The following PRKCZ variants were observed in gnomAD, a reference collection of about 807,000 sequenced individuals.
PRKCZ encodes the protein protein kinase C zeta.
In PRKCZ, 33 loss-of-function variants were observed where a neutral mutation model predicts 79.5. That is an observed-to-expected ratio of 0.41 (90% CI 0.31 to 0.55). The LOEUF (loss-of-function observed/expected upper bound fraction) is 0.55. Among genes scored for constraint, PRKCZ ranks in the 20% least tolerant of loss-of-function variants. The pLI, the probability that PRKCZ is intolerant of heterozygous loss-of-function variation, is 0.19. For missense variants in PRKCZ, 578 were observed against 813.5 expected (o/e 0.71, Z 3.52); for synonymous variants, 342 against 320.9 (o/e 1.07, Z -0.70).
intron 4 of PRKCZ, among the ~76,000 whole-genome samples, chr1:2,126,081 C>G (rs562883030): frequency 6.6e-6 from 1 of 152,196 alleles, no homozygotes; most frequent in African/African-American, 2.4e-5. Flanking sequence ...CCTGGGGGTC[C>G]TGCGGGGGCT....
chr1:2,117,664 T>G (rs1671013219), intron 4 of PRKCZ, among the ~76,000 whole-genome samples: 1 of 152,222 alleles, frequency 6.6e-6, no homozygotes, highest in Non-Finnish European at 1.5e-5. Context: ...GGGTGCTGTT[T>G]GCGGAAATAC....
rs1338409189 is a variant in PRKCZ, at chr1:2,149,409, G to A, written c.687+485G>A. 2.6e-5 allele frequency among the ~76,000 whole-genome samples: 4 copies of A among 152,238 alleles called. No homozygotes were observed. The highest frequency in any genetic ancestry group is 2.6e-4 in the Admixed American group (4 of 15,290). ...CACCATAAACCCTGAGAAGGGAACA[G>A]AAGAGCTTGCTGCGTTCTCAGCCTC... On this transcript the variant is annotated intron_variant, in intron 8 of 17. Coordinates refer to ENST00000378567, the MANE Select transcript of PRKCZ (RefSeq NM_002744.6). This position sits in a 1 kb window ranked among gnomAD's most constrained non-coding sequence, Gnocchi z 4.1.
At chr1:2,112,873 G>T (rs1313016850) in intron 4 of PRKCZ, among the ~76,000 whole-genome samples, 2 of 152,134 alleles carry the variant, frequency 1.3e-5, no homozygotes, top group African/African-American at 2.4e-5. Flanking sequence ...TCTATATTTG[G>T]TAGAGGCGGG....
chr1:2,158,994 C>T (rs900496774), intron 10 of PRKCZ, among the ~76,000 whole-genome samples: 2 of 151,894 alleles, frequency 1.3e-5, no homozygotes, highest in African/African-American at 2.4e-5. Flanking sequence ...GGCACGATCT[C>T]GGCTCACTGC....
Position 2,165,402 on chromosome 1 carries a change from G to A in PRKCZ, c.975-4116G>A, listed in dbSNP as rs746935729. Among the ~76,000 whole-genome samples the A allele has an allele frequency of 6.6e-6, 1 of 152,154 alleles. No individual in the cohort carries two copies. The highest frequency in any genetic ancestry group is 1.5e-5 in the Non-Finnish European group (1 of 68,034). On this transcript the variant is annotated intron_variant, in intron 10 of 17. Transcript: ENST00000378567. This position sits in a 1 kb window ranked among gnomAD's most constrained non-coding sequence, Gnocchi z 4.1. ...TGACAAGCCAGGAGCTGTGTGAGCC[G>A]GAGAACGTCCCCTAACCTGTCTGTG...
At chr1:2,057,692 C>A (rs1309757984) in intron 3 of PRKCZ, among the ~76,000 whole-genome samples, 3 of 151,862 alleles carry the variant, frequency 2.0e-5, no homozygotes, top group African/African-American at 7.3e-5. Flanking sequence ...ATAGTGAGAC[C>A]CCCCCCTCTC....
chr1:2,052,269 C>G (rs373534260), intron 1 of PRKCZ, among the ~76,000 whole-genome samples: 2 of 152,264 alleles, frequency 1.3e-5, no homozygotes, highest in South Asian at 2.1e-4. Flanking sequence ...TGGGCCGCCC[C>G]GTCCTCCCTC....
rs193158910 is a variant in PRKCZ at position 2,165,579 on chromosome 1, A to G, written c.975-3939A>G. On this transcript the variant is annotated intron_variant, in intron 10 of 17. Transcript: ENST00000378567. This position sits in a 1 kb window ranked among gnomAD's most constrained non-coding sequence, Gnocchi z 4.1. Reference sequence around the variant, plus strand: ...GTTGTCTTAAAGGGTCAGGCAGTAAATATTTCCACCTTTGTGGGCCATGCG... The same window carrying G: ...GTTGTCTTAAAGGGTCAGGCAGTAAGTATTTCCACCTTTGTGGGCCATGCG... Among the ~76,000 whole-genome samples the G allele has an allele frequency of 2.4e-3, 363 of 152,350 alleles. 5 individuals carry two copies. Among genetic ancestry groups the G allele is most frequent in the African/African-American group, 8.2e-3 (342 of 41,582 alleles).
At chr1:2,134,644 C>T (rs1474401139) in intron 4 of PRKCZ, among the ~76,000 whole-genome samples, 6 of 152,134 alleles carry the variant, frequency 3.9e-5, no homozygotes, top group Admixed American at 1.3e-4. Context: ...GGTGCACGGT[C>T]GGTTTGGCTC....
intron 7 of PRKCZ, among the ~76,000 whole-genome samples, chr1:2,148,344 A>AT (rs1557679624): frequency 2.8e-5 from 4 of 144,854 alleles, no homozygotes; most frequent in Non-Finnish European, 6.0e-5. Context: ...CTGTCCATCC[A>AT]CTGTCCACTG....
Position 2,135,267 on chromosome 1 carries a change from A to G in PRKCZ, c.340A>G (p.Ile114Val), listed in dbSNP as rs144794308. ...CTTTCTCATATCCTTTCCAGAATCT[A>G]TCTACCGCCGGGGAGCCAGAAGATG... ...GLPCPGEDKSIYRRGARRWRK... is the reference protein window; with the variant it reads ...GLPCPGEDKSVYRRGARRWRK... Residue 114 changes from isoleucine to valine, a missense_variant, in exon 5 of 18, where the codon ATC becomes GTC. Physicochemically the swap from Ile to Val is conservative, Grantham distance 29. Coordinates refer to ENST00000378567, the MANE Select transcript of PRKCZ (RefSeq NM_002744.6). The G allele has an allele frequency of 1.1e-5, 17 of 1,612,108 alleles. No individual in the cohort carries two copies. Among genetic ancestry groups the G allele is most frequent in the East Asian group, 2.2e-5 (1 of 44,854 alleles).
At chr1:2,176,037 G>A (rs959165462) in intron 16 of PRKCZ, among the ~76,000 whole-genome samples, 2 of 152,150 alleles carry the variant, frequency 1.3e-5, no homozygotes, top group African/African-American at 4.8e-5. Flanking sequence ...CTTTAGCGTC[G>A]GGTATTGAAG....
In PRKCZ at chr1:2,086,781, G is replaced by A. The variant is rs1664606298; in HGVS notation, c.334+27190G>A. 2.0e-5 allele frequency among the ~76,000 whole-genome samples: 3 copies of A among 152,218 alleles called. No individual in the cohort carries two copies. The South Asian group carries it at 6.2e-4, about 32-fold the overall frequency. On this transcript the variant is annotated intron_variant, in intron 4 of 17. Coordinates refer to ENST00000378567, the MANE Select transcript of PRKCZ (RefSeq NM_002744.6). ...CTTCTCTTCTCCACTTCTGAGTGGG[G>A]TCTCCATCTGCACAGCGTGAGCCTG...
intron 11 of PRKCZ, among the ~76,000 whole-genome samples, chr1:2,170,783 C>T (rs555308291): frequency 5.0e-4 from 76 of 152,324 alleles, no homozygotes; most frequent in African/African-American, 1.7e-3. Flanking sequence ...CTGAGCATAG[C>T]GTCCTCAAGA....
chr1:2,166,675 GC>G (rs138176355), intron 10 of PRKCZ, among the ~76,000 whole-genome samples: 5,064 of 150,228 alleles, frequency 0.034, 107 homozygotes, highest in Non-Finnish European at 0.051. Context: ...GGCAGCCTCA[GC>G]CCCCCCCAGG....
chr1:2,104,975 G>C, intron 4 of PRKCZ: 1 of 962,834 alleles, frequency 1.0e-6, no homozygotes, highest in Non-Finnish European at 1.2e-6. Flanking sequence ...GCCTCACCCC[G>C]ACAGCCACCC....
At chr1:2,055,985 A>C (rs891828243) in intron 2 of PRKCZ, 2 of 182,948 alleles carry the variant, frequency 1.1e-5, no homozygotes, top group Admixed American at 5.6e-5. Context: ...ACATCCTGAA[A>C]AACAAGGGGA....
Position 2,144,330 on chromosome 1 carries a change from A to G in PRKCZ, c.541A>G (p.Arg181Gly), listed in dbSNP as rs1678032952. 5 of 1,573,714 alleles carry G rather than the reference A, an allele frequency of 3.2e-6. No individual in the cohort carries two copies. The highest frequency in any genetic ancestry group is 4.3e-6 in the Non-Finnish European group (5 of 1,159,158). ...RCHGLVPLTC[R>G]KHMDSVMPSQ... ...CCACGGCCTCGTCCCGCTGACCTGC[A>G]GGAAGCATATGGTGAGTGGCAGGGC... is the stretch of plus-strand genomic sequence containing the variant. Residue 181 changes from arginine (R) to glycine (G), a missense_variant, in exon 6 of 18, where the codon AGG (arginine) becomes GGG (glycine). Arg to Gly is a moderately radical substitution (Grantham distance 125, BLOSUM62 -2). Transcript: ENST00000378567.
At chr1:2,052,057 A>G (rs1304220239) in intron 1 of PRKCZ, among the ~76,000 whole-genome samples, 2 of 152,102 alleles carry the variant, frequency 1.3e-5, no homozygotes, top group African/African-American at 4.8e-5. Context: ...CGTTCTGGCT[A>G]TTGGACTTGT....
Sources: gnomAD v4.1 joint callset for allele counts (sites outside exome capture counted in the v4.1 genomes callset) on GRCh38, gnomAD v4.1.1 for gene constraint, Gnocchi (gnomAD v3.1) non-coding constraint, MANE v1.5 for transcripts, NCBI Gene and HGNC (gene_info 2026-07-23, HGNC 2026-07-21) for gene names.